The following AGBL3 variants were observed in gnomAD, a reference collection of about 807,000 sequenced individuals.
AGBL3 encodes AGBL carboxypeptidase 3.
Under a neutral mutation model 94.5 loss-of-function variants are expected in AGBL3, and 68 were observed. The observed-to-expected ratio is 0.72, with a 90% CI of 0.59 to 0.88. AGBL3 has a LOEUF of 0.88. Ranked by LOEUF, AGBL3 falls within the 40% of genes least tolerant of loss-of-function variation. The pLI, the probability that AGBL3 is intolerant of heterozygous loss-of-function variation, is 0.00. For synonymous variants in AGBL3, 354 were observed against 370.7 expected (o/e 0.95, Z 0.52); for missense variants, 934 against 1,103.8 (o/e 0.85, Z 2.18).
chr7:135,116,471 T>C (rs890188899), intron 16 of AGBL3, among the ~76,000 whole-genome samples: 3 of 152,320 alleles, frequency 2.0e-5, no homozygotes, highest in East Asian at 1.9e-4. Context: ...TACTGTGCAG[T>C]AGTAAAAACC....
chr7:135,111,593 C>T (rs1487159368), intron 15 of AGBL3, among the ~76,000 whole-genome samples: 2 of 151,634 alleles, frequency 1.3e-5, no homozygotes, highest in Non-Finnish European at 2.9e-5. Flanking sequence ...TCTTTAATAA[C>T]ATTTCACAAT....
chr7:134,987,802 T>A (rs1207116503), intron 1 of AGBL3, 73 bp from the exon 2 acceptor site: 3 of 644,012 alleles, frequency 4.7e-6, no homozygotes, highest in Non-Finnish European at 8.2e-6. Flanking sequence ...CAATTGAATA[T>A]ATTTTTGAGT....
intron 16 of AGBL3, 110 bp downstream of exon 16, chr7:135,115,721 T>A (rs1049908497): frequency 5.1e-5 from 45 of 878,532 alleles, no homozygotes; most frequent in Non-Finnish European, 6.4e-5. Flanking sequence ...TTGAAAATGA[T>A]GTCAGCTCCA....
intron 15 of AGBL3, among the ~76,000 whole-genome samples, chr7:135,097,094 C>T (rs1823014993): frequency 1.3e-5 from 2 of 150,046 alleles, no homozygotes; most frequent in African/African-American, 2.5e-5. Flanking sequence ...CAAATGAATG[C>T]TTATCACATC....
intron 4 of AGBL3, among the ~76,000 whole-genome samples, chr7:135,009,150 A>T (rs1418691791): frequency 1.3e-5 from 2 of 152,248 alleles, no homozygotes; most frequent in Non-Finnish European, 2.9e-5. Flanking sequence ...AAATGAAAAC[A>T]TATATCCAAA....
intron 16 of AGBL3, among the ~76,000 whole-genome samples, chr7:135,131,241 C>G (rs1828716709): frequency 6.6e-6 from 1 of 152,114 alleles, no homozygotes; most frequent in South Asian, 2.1e-4. Context: ...CATGTTTTCA[C>G]TCATAAGTGG....
At chr7:135,039,366 T>G (rs1023302886) in intron 8 of AGBL3, among the ~76,000 whole-genome samples, 14 of 152,180 alleles carry the variant, frequency 9.2e-5, no homozygotes, top group Admixed American at 3.9e-4. Context: ...AATGAAAATA[T>G]GTAACATGAA....
intron 7 of AGBL3, among the ~76,000 whole-genome samples, chr7:135,035,582 C>G (rs958614787): frequency 1.2e-4 from 19 of 152,072 alleles, no homozygotes; most frequent in African/African-American, 4.6e-4. Flanking sequence ...AGTAGAATAT[C>G]TTTTTACCCA....
chr7:135,099,944 G>A (rs1236838988), intron 15 of AGBL3: 6 of 125,576 alleles, frequency 4.8e-5, no homozygotes, highest in Middle Eastern at 6.1e-3. Flanking sequence ...CTGGAGTGCA[G>A]TGGCATGATC....
At chr7:134,988,305 T>C (rs1413070485) in intron 2 of AGBL3, 1 of 260,214 alleles carries the variant, frequency 3.8e-6, no homozygotes, top group African/African-American at 2.3e-5. Context: ...TGTCCACTTA[T>C]TTTCTTCTAT....
chr7:135,068,443 C>G (rs1318292308), intron 12 of AGBL3, among the ~76,000 whole-genome samples: 1 of 152,028 alleles, frequency 6.6e-6, no homozygotes, highest in Non-Finnish European at 1.5e-5. Flanking sequence ...TCAGATTCAC[C>G]AAAGTTGAAA....
chr7:135,026,248 T>TTTTATTTTATTTTATTTA (rs1554497712), intron 5 of AGBL3, among the ~76,000 whole-genome samples: 1 of 113,722 alleles, frequency 8.8e-6, no homozygotes. Context: ...AATACCATTA[T>TTTTATTTTATTTTATTTA]TTTATTTTAT....
chr7:135,100,885 C>A (rs1276041091), intron 15 of AGBL3, among the ~76,000 whole-genome samples: 1 of 152,136 alleles, frequency 6.6e-6, no homozygotes, highest in Non-Finnish European at 1.5e-5. Context: ...TCTCTGATTC[C>A]CCTTATGTAA....
chr7:135,110,698 A>G (rs1169128881), intron 15 of AGBL3, among the ~76,000 whole-genome samples: 1 of 152,140 alleles, frequency 6.6e-6, no homozygotes, highest in African/African-American at 2.4e-5. Flanking sequence ...GTGTACCTGG[A>G]TATTTCAGTT....
At chr7:135,101,913 G>A (rs986977599) in intron 15 of AGBL3, among the ~76,000 whole-genome samples, 6 of 152,158 alleles carry the variant, frequency 3.9e-5, no homozygotes, top group African/African-American at 1.4e-4. Context: ...CTGTCCTCAT[G>A]ATAGTAAATA....
chr7:135,073,281 C>T (rs950369666), intron 12 of AGBL3, among the ~76,000 whole-genome samples: 11 of 151,832 alleles, frequency 7.2e-5, no homozygotes, highest in African/African-American at 2.2e-4. Context: ...GCCTGGCCAA[C>T]ATAGTGAAAC....
intron 11 of AGBL3, chr7:135,050,967 G>GT (rs1817821304): frequency 1.5e-5 from 6 of 401,604 alleles, no homozygotes; most frequent in Non-Finnish European, 9.6e-6. Context: ...TAGTCTTACA[G>GT]TTTTTTTCTC....
intron 11 of AGBL3, among the ~76,000 whole-genome samples, chr7:135,049,871 A>AT (rs1817716480): frequency 6.6e-6 from 1 of 151,046 alleles, no homozygotes; most frequent in Non-Finnish European, 1.5e-5. Flanking sequence ...AGTTTCACTG[A>AT]TTTTTTTCTA....
chr7:135,094,430 A>G (rs1486705410), intron 15 of AGBL3: 1 of 456,682 alleles, frequency 2.2e-6, no homozygotes, highest in Non-Finnish European at 4.4e-6. Context: ...TTAAACAGTG[A>G]TTTTAACAAA....
Sources: gnomAD v4.1 joint callset for allele counts (sites outside exome capture counted in the v4.1 genomes callset) on GRCh38, gnomAD v4.1.1 for gene constraint, MANE v1.5 for transcripts, NCBI Gene and HGNC (gene_info 2026-07-23, HGNC 2026-07-21) for gene names.